MATN2: variants seen among roughly 807,000 people sequenced by gnomAD.
MATN2 encodes the protein matrilin-2.
In MATN2, 69 loss-of-function variants were observed where a neutral mutation model predicts 103.2. That is an observed-to-expected ratio of 0.67 (90% CI 0.55 to 0.82). MATN2 has a LOEUF of 0.82. Among genes scored for constraint, MATN2 ranks in the 40% least tolerant of loss-of-function variants. The probability of loss-of-function intolerance (pLI) is 0.00; values close to 1 mark genes in which losing one functional copy is unlikely to be tolerated. For missense variants in MATN2, 1,023 were observed against 1,211.5 expected (o/e 0.84, Z 2.31); for synonymous variants, 429 against 450.2 (o/e 0.95, Z 0.60).
At chr8:98,003,054 C>G (rs1303519700) in intron 7 of MATN2, among the ~76,000 whole-genome samples, 1 of 152,094 alleles carries the variant, frequency 6.6e-6, no homozygotes, top group Non-Finnish European at 1.5e-5. Context: ...AGGCATGCCC[C>G]TCGCCCTCAT....
At chr8:97,878,897 C>T (rs774150843) in intron 1 of MATN2, among the ~76,000 whole-genome samples, 10 of 152,078 alleles carry the variant, frequency 6.6e-5, no homozygotes, top group African/African-American at 1.2e-4. Context: ...CTATTACAGT[C>T]GCCTACATTC....
chr8:98,000,853 C>CA (rs1261874637), intron 7 of MATN2, among the ~76,000 whole-genome samples: 3 of 152,104 alleles, frequency 2.0e-5, no homozygotes, highest in African/African-American at 4.8e-5. Context: ...ATCACAGATA[C>CA]AAAACATACT....
intron 14 of MATN2, among the ~76,000 whole-genome samples, chr8:98,028,281 A>G (rs961522579): frequency 9.8e-5 from 15 of 152,354 alleles, no homozygotes; most frequent in East Asian, 1.9e-4. Context: ...TGAAAATGCA[A>G]TAGCCCCTAG....
chr8:97,899,193 GCTGTATGTCCCCAAAA>G (rs1818907386), intron 2 of MATN2, among the ~76,000 whole-genome samples: 1 of 152,096 alleles, frequency 6.6e-6, no homozygotes, highest in South Asian at 2.1e-4. Flanking sequence ...CCCATGGAGT[GCTGTATGTCCCCAAAA>G]CTGCACTTAG....
At chr8:97,932,813 GGGGAAATAAA>G (rs1175786336) in intron 3 of MATN2, among the ~76,000 whole-genome samples, 1 of 152,160 alleles carries the variant, frequency 6.6e-6, no homozygotes, top group Non-Finnish European at 1.5e-5. Flanking sequence ...AATCTTTGGT[GGGGAAATAAA>G]GGGAAATAAT....
chr8:97,944,034 GC>G (rs1272075743), intron 4 of MATN2, among the ~76,000 whole-genome samples: 9 of 152,160 alleles, frequency 5.9e-5, no homozygotes, highest in African/African-American at 1.9e-4. Context: ...GATTCCTCCT[GC>G]CTAGGGATGT....
intron 2 of MATN2, among the ~76,000 whole-genome samples, chr8:97,911,112 C>T (rs1188188299): frequency 6.6e-6 from 1 of 152,098 alleles, no homozygotes; most frequent in African/African-American, 2.4e-5. Context: ...CCTCAGCCTC[C>T]AGAGTAGCTG....
At chr8:97,885,336 A>C (rs1037567275) in intron 1 of MATN2, among the ~76,000 whole-genome samples, 2 of 152,178 alleles carry the variant, frequency 1.3e-5, no homozygotes, top group Admixed American at 6.5e-5. Context: ...AAATAAGGTG[A>C]GGGCATGATG....
Position 98,021,233 on chromosome 8 carries a change from T to C in MATN2, c.1848T>C (p.His616=). ...AGGATGTCTGCAAATCAACCCACCA[T>C]GGCTGCGAACACATTTGTGTTAATA... ...RRKDVCKSTH[H]GCEHICVNNG... Residue 616 remains histidine (H), a synonymous_variant, in exon 13 of 19, where the codon CAT becomes CAC. Transcript: ENST00000254898. 2.5e-6 allele frequency: 4 copies of C among 1,613,658 alleles called. No homozygotes were observed. Among genetic ancestry groups the C allele is most frequent in the Middle Eastern group, 1.7e-4 (1 of 6,056 alleles).
intron 2 of MATN2, among the ~76,000 whole-genome samples, chr8:97,919,605 T>C (rs1053477496): frequency 1.3e-5 from 2 of 152,214 alleles, no homozygotes; most frequent in Non-Finnish European, 2.9e-5. Context: ...GTGTCTCTGC[T>C]GACCAGCGTT....
intron 2 of MATN2, among the ~76,000 whole-genome samples, chr8:97,889,054 T>C (rs913938511): frequency 2.0e-5 from 3 of 152,206 alleles, no homozygotes; most frequent in Admixed American, 6.5e-5. Flanking sequence ...TTCTAGGTAC[T>C]CAGTAAGTAA....
intron 18 of MATN2, chr8:98,034,091 AG>A (rs2130463784): frequency 4.6e-6 from 2 of 437,940 alleles, no homozygotes; most frequent in East Asian, 1.4e-4. Flanking sequence ...TTTAGCCCCA[AG>A]GAACACCACA....
Position 98,007,642 on chromosome 8 carries a change from C to A in MATN2, c.1573+41C>A. ...ACAAGCAGGACCTGCACAGGTGTTC[C>A]GTGGGTGCCGGTGTGGGTGCGCTGC... On this transcript the variant is annotated intron_variant, in intron 10 of 18. Transcript: ENST00000254898. This position sits in a 1 kb window ranked among gnomAD's most constrained non-coding sequence, Gnocchi z 4.2. 6.3e-7 allele frequency: 1 copy of A among 1,583,248 alleles called. No homozygotes were observed. The highest frequency in any genetic ancestry group is 1.1e-5 in the South Asian group (1 of 89,170).
At chr8:97,904,070 T>C (rs2130041814) in intron 2 of MATN2, among the ~76,000 whole-genome samples, 1 of 152,356 alleles carries the variant, frequency 6.6e-6, no homozygotes, top group South Asian at 2.1e-4. Context: ...GATTCATAAA[T>C]TAAACTGGCA....
At chr8:97,981,848 G>A (rs552271538) in intron 6 of MATN2, among the ~76,000 whole-genome samples, 1 of 152,272 alleles carries the variant, frequency 6.6e-6, no homozygotes, top group African/African-American at 2.4e-5. Context: ...GGTGGTGCAG[G>A]CAAGGAGGGT....
intron 12 of MATN2, among the ~76,000 whole-genome samples, chr8:98,019,754 G>A (rs1195900537): frequency 2.6e-5 from 4 of 152,178 alleles, no homozygotes; most frequent in East Asian, 1.9e-4. Flanking sequence ...GGTTGACAAA[G>A]TCTACTTGCT....
At chr8:97,917,560 C>A (rs145456593) in intron 2 of MATN2, among the ~76,000 whole-genome samples, 121 of 152,274 alleles carry the variant, frequency 7.9e-4, no homozygotes, top group Admixed American at 2.2e-3. Flanking sequence ...GATAAGACTG[C>A]ACCCGCTCTG....
chr8:97,961,383 T>C (rs777774686), intron 4 of MATN2, 25 bp from the exon 5 acceptor site: 2 of 1,601,136 alleles, frequency 1.2e-6, no homozygotes, highest in Admixed American at 1.7e-5. Context: ...TGACGTTGTG[T>C]TCTAACATCG....
At chr8:97,886,776 C>T (rs889438054) in intron 1 of MATN2, among the ~76,000 whole-genome samples, 2 of 152,064 alleles carry the variant, frequency 1.3e-5, no homozygotes, top group African/African-American at 4.8e-5. Flanking sequence ...CCTGCCCTGT[C>T]CCTGCCTCTG....
Sources: allele counts gnomAD v4.1 joint callset (sites outside exome capture counted in the v4.1 genomes callset), GRCh38; gene constraint gnomAD v4.1.1; non-coding constraint Gnocchi (gnomAD v3.1); transcripts MANE v1.5; gene names NCBI Gene and HGNC (gene_info 2026-07-23, HGNC 2026-07-21).